Variants in ZNF225 observed in about 807,000 individuals in gnomAD.
ZNF225 encodes the protein zinc finger protein 225.
Under a neutral mutation model 12.0 loss-of-function variants are expected in ZNF225, and 6 were observed. The observed-to-expected ratio is 0.50, with a 90% CI of 0.27 to 0.98. The LOEUF (loss-of-function observed/expected upper bound fraction) is 0.98. Among genes scored for constraint, ZNF225 ranks in the 50% least tolerant of loss-of-function variants. ZNF225 has a pLI of 0.11. For synonymous variants in ZNF225, 271 were observed against 283.2 expected (o/e 0.96, Z 0.43); for missense variants, 763 against 848.2 (o/e 0.90, Z 1.25).
At chr19:44,124,691 A>G (rs1323578665) in intron 4 of ZNF225, among the ~76,000 whole-genome samples, 1 of 152,082 alleles carries the variant, frequency 6.6e-6, no homozygotes, top group African/African-American at 2.4e-5. Flanking sequence ...TAAATTTGGG[A>G]GTTCCAGTGT....
rs1440971215 is a variant in ZNF225, at chr19:44,131,226, T to C, written c.612T>C (p.Tyr204=). The C allele has an allele frequency of 6.2e-7, 1 of 1,614,216 alleles. No homozygotes were observed. The highest frequency in any genetic ancestry group is 2.2e-5 in the East Asian group (1 of 44,884). ...GAGTTCACATGGGGGAGAAACTCTA[T>C]AATTGTGATGTGTGTGGTAAGGAAT... The part of the protein sequence containing the change: ...HQRVHMGEKL[Y]NCDVCGKEFN... Residue 204 remains tyrosine (Y), a synonymous_variant, in exon 5 of 5, where the codon TAT becomes TAC. Transcript: ENST00000262894.
At chr19:44,114,470 T>C (rs1046269774) in intron 1 of ZNF225, among the ~76,000 whole-genome samples, 1 of 152,134 alleles carries the variant, frequency 6.6e-6, no homozygotes, top group African/African-American at 2.4e-5. Flanking sequence ...CTTCAAAATA[T>C]GCATTTTTTG....
chr19:44,126,729 G>T (rs533290265), intron 4 of ZNF225, among the ~76,000 whole-genome samples: 1 of 152,276 alleles, frequency 6.6e-6, no homozygotes, highest in South Asian at 2.1e-4. Context: ...TGCTGTAGGG[G>T]ATGTGGGTGA....
intron 4 of ZNF225, among the ~76,000 whole-genome samples, chr19:44,124,362 C>T (rs1370448595): frequency 6.6e-6 from 1 of 152,076 alleles, no homozygotes; most frequent in Non-Finnish European, 1.5e-5. Context: ...TTTTATTCCA[C>T]TGTGGTCTGA....
intron 4 of ZNF225, among the ~76,000 whole-genome samples, chr19:44,119,268 T>C (rs1599674595): frequency 6.6e-6 from 1 of 152,332 alleles, no homozygotes; most frequent in South Asian, 2.1e-4. Context: ...CTACCGTTTC[T>C]CTGACCTGCC....
chr19:44,112,102 G>C (rs1004099382), upstream of ZNF225: 10 of 152,212 alleles, frequency 6.6e-5, no homozygotes, highest in African/African-American at 2.4e-4. Flanking sequence ...GATTTACATA[G>C]GGGTCATAGA....
Position 44,132,897 on chromosome 19 carries a change from CGTT to C in ZNF225, c.*166_*168del. On this transcript the variant is annotated 3_prime_UTR_variant, in exon 5 of 5. Transcript: ENST00000262894. Reference sequence around the variant, plus strand: ...CTGTCCTAGCTATTTGAAAATAATACGTTGTTAATTACTGTCACCCTGTAGTGG... The same window carrying C: ...CTGTCCTAGCTATTTGAAAATAATACGTTAATTACTGTCACCCTGTAGTGG... The C allele has an allele frequency of 1.6e-6, 1 of 635,626 alleles. No homozygotes were observed. Among genetic ancestry groups the C allele is most frequent in the Non-Finnish European group, 2.5e-6 (1 of 392,906 alleles). 39.4% of individuals were successfully genotyped at this position (635,626 alleles called of 1,614,324 possible).
At chr19:44,112,448 A>T (rs910511288), upstream of ZNF225, among the ~76,000 whole-genome samples, 2 of 152,232 alleles carry the variant, frequency 1.3e-5, no homozygotes, top group African/African-American at 4.8e-5. Context: ...CGTATATATT[A>T]ACAACACTGT....
Position 44,131,421 on chromosome 19 carries a change from C to T in ZNF225, c.807C>T (p.Phe269=), listed in dbSNP as rs749541968. 6.3e-5 allele frequency: 101 copies of T among 1,614,062 alleles called. No individual in the cohort carries two copies. Among genetic ancestry groups the T allele is most frequent in the East Asian group, 2.2e-4 (10 of 44,852 alleles). The change falls in exon 5 of 5, where the codon TTC becomes TTT. Residue 269 remains phenylalanine, a synonymous_variant. Coordinates refer to ENST00000262894, the MANE Select transcript of ZNF225 (RefSeq NM_013362.4). ...PHICEKCGKA[F]IHDSQLQEHQ... is the part of the protein sequence containing the mutation. The stretch of plus-strand genomic sequence containing the variant: ...TTTGTGAGAAATGTGGGAAGGCCTT[C>T]ATTCATGATTCCCAGCTTCAGGAAC...
chr19:44,114,850 A>G (rs1211258349), intron 1 of ZNF225, among the ~76,000 whole-genome samples: 2 of 152,146 alleles, frequency 1.3e-5, no homozygotes, highest in Non-Finnish European at 2.9e-5. Context: ...CAGGGGCCAT[A>G]TGTCAGTTTG....
intron 2 of ZNF225, among the ~76,000 whole-genome samples, chr19:44,116,946 A>G (rs1020433225): frequency 1.3e-4 from 18 of 133,374 alleles, no homozygotes; most frequent in Non-Finnish European, 8.1e-5. Context: ...TTTTAAATAA[A>G]CAGTAGTAAA....
intron 1 of ZNF225, chr19:44,114,261 C>T (rs1967892194): frequency 2.5e-6 from 2 of 803,322 alleles, no homozygotes; most frequent in African/African-American, 3.5e-5. Context: ...TCACCCCAAC[C>T]GAGAGTGTAT....
chr19:44,132,510 C>T lies in ZNF225; in HGVS notation c.1896C>T (p.Ser632=). ...ACAAATGTGAGAAGTGTGGAAAGAG[C>T]TTCAGATGGGCCTCAACTCATCTAA... ...KPYKCEKCGK[S]FRWASTHLTH... Residue 632 remains serine (S), a synonymous_variant, in exon 5 of 5, where the codon AGC becomes AGT. Transcript: ENST00000262894. The T allele has an allele frequency of 4.3e-6, 7 of 1,614,142 alleles. No homozygotes were observed. Among genetic ancestry groups the T allele is most frequent in the South Asian group, 1.1e-5 (1 of 91,080 alleles).
At chr19:44,118,087 C>A (rs1967976713) in intron 2 of ZNF225, 101 bp from the exon 3 acceptor site, 3 of 1,372,894 alleles carry the variant, frequency 2.2e-6, no homozygotes, top group East Asian at 2.6e-5. Context: ...CTCTCAAGAT[C>A]CAAAACAGCT....
At chr19:44,117,156 G>T (rs1292725615) in intron 2 of ZNF225, among the ~76,000 whole-genome samples, 1 of 152,178 alleles carries the variant, frequency 6.6e-6, no homozygotes, top group Non-Finnish European at 1.5e-5. Context: ...TATTTAGTCT[G>T]CACTGATCAA....
At chr19:44,126,879 A>G (rs1599678808) in intron 4 of ZNF225, among the ~76,000 whole-genome samples, 1 of 152,048 alleles carries the variant, frequency 6.6e-6, no homozygotes, top group Non-Finnish European at 1.5e-5. Flanking sequence ...GGCCGGTCTC[A>G]CTCCCACCAT....
Position 44,131,098 on chromosome 19 carries a change from G to T in ZNF225, c.484G>T (p.Val162Phe). ...TCKKSFSDVS[V>F]LDLHQQLQSR... ...TAAAAAGTCCTTTAGTGATGTCTCC[G>T]TCCTTGATCTTCATCAACAACTACA... Residue 162 changes from valine to phenylalanine, a missense_variant, in exon 5 of 5, where the codon GTC becomes TTC. By Grantham distance (50) the Val-to-Phe change is conservative. Transcript: ENST00000262894. 6.2e-7 allele frequency: 1 copy of T among 1,614,102 alleles called. No homozygotes were observed. Among genetic ancestry groups the T allele is most frequent in the Non-Finnish European group, 8.5e-7 (1 of 1,179,990 alleles).
intron 4 of ZNF225, chr19:44,129,149 T>A: frequency 8.3e-7 from 1 of 1,204,768 alleles, no homozygotes; most frequent in South Asian, 4.2e-5. Flanking sequence ...TTATACATGT[T>A]CTGCAAAAAT....
chr19:44,118,617 A>T (rs770322098), intron 4 of ZNF225, 43 bp downstream of exon 4: 1 of 1,577,064 alleles, frequency 6.3e-7, no homozygotes, highest in Non-Finnish European at 8.7e-7. Context: ...TGACTCTCCC[A>T]TCGGTTTCAC....
Sources: allele counts gnomAD v4.1 joint callset (sites outside exome capture counted in the v4.1 genomes callset), GRCh38; gene constraint gnomAD v4.1.1; transcripts MANE v1.5; gene names NCBI Gene and HGNC (gene_info 2026-07-23, HGNC 2026-07-21).